PHF24: variants seen among roughly 807,000 people sequenced by gnomAD.
PHF24 encodes Galpha inhibitory interacting protein.
Under a neutral mutation model 42.6 loss-of-function variants are expected in PHF24, and 25 were observed. The observed-to-expected ratio is 0.59, with a 90% CI of 0.43 to 0.82. The LOEUF is 0.82. Ranked by LOEUF, PHF24 falls within the 40% of genes least tolerant of loss-of-function variation. The pLI, the probability that PHF24 is intolerant of heterozygous loss-of-function variation, is 0.00. For synonymous variants in PHF24, 185 were observed against 204.8 expected (o/e 0.90, Z 0.83); for missense variants, 470 against 538.1 (o/e 0.87, Z 1.25).
At chr9:34,824,133 A>G in the PHF24 span, among the ~76,000 whole-genome samples, 1 of 152,322 alleles carries the variant, frequency 6.6e-6, no homozygotes, top group South Asian at 2.1e-4. Flanking sequence ...TAAGAGCCAC[A>G]GAGGGGTACG....
At chr9:34,685,266 G>A in the PHF24 span, among the ~76,000 whole-genome samples, 8 of 152,200 alleles carry the variant, frequency 5.3e-5, no homozygotes, top group African/African-American at 1.4e-4. Flanking sequence ...ACCAGGTCCT[G>A]GCATCTGATA....
the PHF24 span, among the ~76,000 whole-genome samples, chr9:34,703,575 AGCCAAAGTGTG>A: frequency 6.6e-6 from 1 of 152,092 alleles, no homozygotes. Flanking sequence ...AATTGTGGCC[AGCCAAAGTGTG>A]GCCCAAGTAT....
chr9:34,889,311 G>A, the PHF24 span: 5 of 398,574 alleles, frequency 1.3e-5, no homozygotes, highest in Non-Finnish European at 2.2e-5. Flanking sequence ...TGTAGGAGTG[G>A]CACAGGACCC....
chr9:34,715,847 A>G, the PHF24 span, among the ~76,000 whole-genome samples: 1 of 152,190 alleles, frequency 6.6e-6, no homozygotes, highest in Non-Finnish European at 1.5e-5. Context: ...TGGGTGTTGC[A>G]AGAGTCTGGA....
intron 1 of PHF24, among the ~76,000 whole-genome samples, chr9:34,965,628 A>G (rs1826741371): frequency 6.6e-6 from 1 of 152,248 alleles, no homozygotes; most frequent in South Asian, 2.1e-4. Context: ...AGATAGCTTC[A>G]TAGCTATTCT....
chr9:34,972,477 A>G (rs1827029300), exon 3 of PHF24: 14 of 1,613,846 alleles, frequency 8.7e-6, no homozygotes, highest in African/African-American at 2.7e-5. Flanking sequence ...GAGACAGTGC[A>G]GCGGAGGTGA....
At chr9:34,711,924 T>C in the PHF24 span, among the ~76,000 whole-genome samples, 1 of 151,948 alleles carries the variant, frequency 6.6e-6, no homozygotes, top group Non-Finnish European at 1.5e-5. Context: ...TGTTTCATTC[T>C]GAAGGTCTTC....
chr9:34,709,174 C>T, the PHF24 span: 6 of 607,298 alleles, frequency 9.9e-6, no homozygotes, highest in Middle Eastern at 4.3e-4. Context: ...TCTCCCTCCT[C>T]GGTCTCTCTG....
chr9:34,855,422 T>G, the PHF24 span, among the ~76,000 whole-genome samples: 2,253 of 152,354 alleles, frequency 0.015, 38 homozygotes, highest in South Asian at 0.052. Flanking sequence ...CAGTTTTTCC[T>G]TTCCCTATGT....
chr9:34,677,389 G>GTTTTTTTTTTTTTTT, the PHF24 span, among the ~76,000 whole-genome samples: 41 of 79,770 alleles, frequency 5.1e-4, 7 homozygotes, highest in African/African-American at 2.2e-3. Context: ...TTTGTAAACT[G>GTTTTTTTTTTTTTTT]TTTTTTTTTT....
the PHF24 span, among the ~76,000 whole-genome samples, chr9:34,676,935 C>G: frequency 6.6e-6 from 1 of 152,218 alleles, no homozygotes; most frequent in Non-Finnish European, 1.5e-5. Context: ...GAAATCCATT[C>G]CCGTGATCCA....
chr9:34,684,295 G>T, the PHF24 span, among the ~76,000 whole-genome samples: 1 of 152,186 alleles, frequency 6.6e-6, no homozygotes, highest in Non-Finnish European at 1.5e-5. Context: ...CACTTTAGAC[G>T]TGAGGGGTTT....
intron 1 of PHF24, among the ~76,000 whole-genome samples, chr9:34,962,635 ATGGG>A (rs1826632413): frequency 6.6e-6 from 1 of 152,246 alleles, no homozygotes; most frequent in Non-Finnish European, 1.5e-5. Flanking sequence ...ATTGCATTAC[ATGGG>A]GCTGAATCTG....
chr9:34,801,411 T>C, the PHF24 span, among the ~76,000 whole-genome samples: 1 of 152,130 alleles, frequency 6.6e-6, no homozygotes, highest in South Asian at 2.1e-4. Flanking sequence ...TCATCAATGA[T>C]AGACTGGATA....
the PHF24 span, among the ~76,000 whole-genome samples, chr9:34,794,225 A>G: frequency 2.6e-5 from 4 of 152,180 alleles, no homozygotes; most frequent in Non-Finnish European, 4.4e-5. Context: ...CACATGCAAG[A>G]AAAATCGGAG....
the PHF24 span, among the ~76,000 whole-genome samples, chr9:34,817,313 T>C: frequency 6.6e-6 from 1 of 152,142 alleles, no homozygotes; most frequent in Non-Finnish European, 1.5e-5. Flanking sequence ...GGCACAATCA[T>C]AGCTCACTGC....
chr9:34,776,423 CA>C, the PHF24 span, among the ~76,000 whole-genome samples: 1 of 152,268 alleles, frequency 6.6e-6, no homozygotes, highest in Middle Eastern at 3.4e-3. Context: ...TGGATTATTT[CA>C]AAATACTTAT....
chr9:34,873,263 A>T, the PHF24 span, among the ~76,000 whole-genome samples: 4 of 151,974 alleles, frequency 2.6e-5, no homozygotes, highest in East Asian at 3.9e-4. Context: ...GGTGTTTTAG[A>T]CATGAAGTCC....
the PHF24 span, among the ~76,000 whole-genome samples, chr9:34,825,247 T>A: frequency 0.56 from 85,080 of 150,588 alleles, 25,052 homozygotes; most frequent in Non-Finnish European, 0.65. Context: ...GCCCTCAGGG[T>A]GATGGGTGTA....
Sources: gnomAD v4.1 joint callset for allele counts (sites outside exome capture counted in the v4.1 genomes callset) on GRCh38, gnomAD v4.1.1 for gene constraint, MANE v1.5 for transcripts, NCBI Gene and HGNC (gene_info 2026-07-23, HGNC 2026-07-21) for gene names.